The following TRAK1 variants were observed in gnomAD, a reference collection of about 807,000 sequenced individuals.
TRAK1 encodes trafficking kinesin-binding protein 1.
TRAK1 carries 33 observed loss-of-function variants against 92.1 expected under a neutral mutation model. The ratio of observed to expected loss-of-function variants is 0.36; its 90% CI spans 0.27 to 0.48. The LOEUF (loss-of-function observed/expected upper bound fraction) is 0.48. Among genes scored for constraint, TRAK1 ranks in the 20% least tolerant of loss-of-function variants. The probability of loss-of-function intolerance (pLI) is 0.99; values close to 1 mark genes in which losing one functional copy is unlikely to be tolerated. For synonymous variants in TRAK1, 521 were observed against 517.3 expected (o/e 1.01, Z -0.10); for missense variants, 1,123 against 1,257.9 (o/e 0.89, Z 1.62).
At chr3:42,063,117 A>T (rs1167375237) in intron 1 of TRAK1, among the ~76,000 whole-genome samples, 1 of 152,196 alleles carries the variant, frequency 6.6e-6, no homozygotes, top group Non-Finnish European at 1.5e-5. Flanking sequence ...AATCCATCCC[A>T]CCGCCTGCTG....
chr3:42,019,158 G>A (rs1162972352), intron 1 of TRAK1, among the ~76,000 whole-genome samples: 1 of 152,056 alleles, frequency 6.6e-6, no homozygotes, highest in African/African-American at 2.4e-5. Context: ...TTAGAATAGG[G>A]ATATAGGATC....
At chr3:42,084,222 G>A (rs1704566396), upstream of TRAK1, among the ~76,000 whole-genome samples, 1 of 151,656 alleles carries the variant, frequency 6.6e-6, no homozygotes, top group African/African-American at 2.4e-5. Flanking sequence ...TCTTGCTTTA[G>A]GGATGACTTC....
chr3:42,135,219 T>C (rs1174419791), intron 2 of TRAK1, among the ~76,000 whole-genome samples: 1 of 152,230 alleles, frequency 6.6e-6, no homozygotes. Context: ...CCCTGCTGTA[T>C]AGGGAGTGCC....
chr3:42,219,548 C>T lies in TRAK1; in HGVS notation c.2018C>T (p.Thr673Ile), dbSNP rs1204189562. 3 of 1,614,040 alleles carry T rather than the reference C, an allele frequency of 1.9e-6. No individual in the cohort carries two copies. The Admixed American group carries it at 5.0e-5, about 27-fold the overall frequency. The change falls in exon 15 of 16, where the codon ACC becomes ATC. Residue 673 changes from threonine (T) to isoleucine (I), a missense_variant. By Grantham distance (89) the Thr-to-Ile change is moderately conservative (BLOSUM62 -1). This residue lies in a region of TRAK1 where 401 missense variants were observed against 438.9 expected (regional missense o/e 0.91). Transcript: ENST00000327628. ...ACCAACTCCACCTTCACCTTCACCA[C>T]CTGTCGCATCCTGCATCCTTCAGAT... ...SQTNSTFTFT[T>I]CRILHPSDEL... is the part of the protein sequence containing the mutation.
chr3:42,135,676 A>G (rs796778402), intron 2 of TRAK1, among the ~76,000 whole-genome samples: 20 of 152,336 alleles, frequency 1.3e-4, no homozygotes, highest in African/African-American at 4.8e-4. Context: ...GTGTGGGAAC[A>G]TCCCAGCTCT....
chr3:42,110,094 GTATATATATATATATATATATATATA>G (rs375315730), intron 1 of TRAK1, among the ~76,000 whole-genome samples: 18 of 83,232 alleles, frequency 2.2e-4, no homozygotes, highest in Middle Eastern at 6.6e-3. Context: ...AGAACTTAAA[GTATATATATATATATATATATATATA>G]TATATATATA....
chr3:42,214,955 A>G (rs1343882077), intron 14 of TRAK1, among the ~76,000 whole-genome samples: 1 of 152,242 alleles, frequency 6.6e-6, no homozygotes, highest in African/African-American at 2.4e-5. Flanking sequence ...TTTTTAAAAC[A>G]AGAAAGTTGC....
At chr3:42,203,936 C>T in intron 13 of TRAK1, 10 of 985,738 alleles carry the variant, frequency 1.0e-5, no homozygotes, top group Non-Finnish European at 1.1e-5. Flanking sequence ...CCCTGTGAGA[C>T]TGCATGCTAT....
At chr3:42,093,141 A>T (rs1705350564) in intron 1 of TRAK1, among the ~76,000 whole-genome samples, 1 of 152,210 alleles carries the variant, frequency 6.6e-6, no homozygotes. Flanking sequence ...CTTTTACAAC[A>T]GAGTGAGAAA....
intron 1 of TRAK1, among the ~76,000 whole-genome samples, chr3:42,057,155 ATTACTC>A (rs1703235224): frequency 6.6e-6 from 1 of 152,100 alleles, no homozygotes; most frequent in Non-Finnish European, 1.5e-5. Context: ...GGCACTCTAA[ATTACTC>A]TTTGCTGTTT....
intron 1 of TRAK1, among the ~76,000 whole-genome samples, chr3:42,066,839 G>T (rs571885974): frequency 6.8e-4 from 103 of 152,234 alleles, no homozygotes; most frequent in African/African-American, 2.4e-3. Context: ...TAATTTCAAT[G>T]AGAAAGGCTA....
chr3:42,151,477 G>A, intron 2 of TRAK1: 2 of 411,602 alleles, frequency 4.9e-6, no homozygotes, highest in Non-Finnish European at 9.6e-6. Flanking sequence ...GTTATTGTCT[G>A]AATGTATGTT....
intron 1 of TRAK1, among the ~76,000 whole-genome samples, chr3:42,073,608 G>A (rs540755989): frequency 2.6e-4 from 40 of 152,308 alleles, no homozygotes; most frequent in Non-Finnish European, 3.5e-4. Flanking sequence ...GAGGTGTATA[G>A]CATGAGGGTC....
chr3:42,172,456 C>T (rs1702688034), intron 2 of TRAK1, among the ~76,000 whole-genome samples: 1 of 152,192 alleles, frequency 6.6e-6, no homozygotes, highest in South Asian at 2.1e-4. Context: ...CTACAATTTC[C>T]TTGCATTAAT....
chr3:42,125,802 A>C (rs1453164496), intron 2 of TRAK1, among the ~76,000 whole-genome samples, 188 bp downstream of exon 2: 1 of 152,194 alleles, frequency 6.6e-6, no homozygotes, highest in African/African-American at 2.4e-5. Context: ...TCTGAATAGA[A>C]ATTTTAGAGG....
In TRAK1 at chr3:42,217,565, T is replaced by G. The variant is rs143559043; in HGVS notation, c.1964-1929T>G. ...ATATGTAAGAGGGTGGAGGAGGAAG[T>G]GAACATTTGTGACCTTTTGATTTGA... On this transcript the variant is annotated intron_variant, in intron 14 of 15. Coordinates refer to ENST00000327628, the MANE Select transcript of TRAK1 (RefSeq NM_001042646.3). 1.2e-4 allele frequency: 122 copies of G among 985,440 alleles called. No homozygotes were observed. The East Asian group carries it at 0.012, about 93-fold the overall frequency. The allele number at this position is 985,440 out of a possible 1,614,324, so 61.0% of individuals were successfully genotyped here.
chr3:42,185,469 G>A (rs1296863187), intron 4 of TRAK1, among the ~76,000 whole-genome samples: 1 of 152,128 alleles, frequency 6.6e-6, no homozygotes, highest in East Asian at 1.9e-4. Context: ...AGGTTTAGAA[G>A]GAATGATGCT....
chr3:42,179,667 A>G (rs546646158), intron 3 of TRAK1, among the ~76,000 whole-genome samples: 1 of 152,296 alleles, frequency 6.6e-6, no homozygotes, highest in South Asian at 2.1e-4. Context: ...GTTCATTGGT[A>G]AAAAGGGGCT....
chr3:42,038,522 G>A (rs1027556051), intron 1 of TRAK1, among the ~76,000 whole-genome samples: 11 of 152,020 alleles, frequency 7.2e-5, no homozygotes. Flanking sequence ...ACAGTGGCTC[G>A]CGCCTGTAAT....
Sources: gnomAD v4.1 joint callset for allele counts (sites outside exome capture counted in the v4.1 genomes callset) on GRCh38, gnomAD v4.1.1 for gene constraint, gnomAD v4.1.1 regional missense constraint, MANE v1.5 for transcripts, NCBI Gene and HGNC (gene_info 2026-07-23, HGNC 2026-07-21) for gene names.